The following NHSL3 variants were observed in gnomAD, a reference collection of about 807,000 sequenced individuals.
The protein encoded by NHSL3 is NHS-like protein 3.
the NHSL3 span, among the ~76,000 whole-genome samples, chr1:32,755,426 A>G: frequency 6.6e-6 from 1 of 152,206 alleles, no homozygotes; most frequent in East Asian, 1.9e-4. Flanking sequence ...TCATCGCTCC[A>G]TGGAGGGGGT....
chr1:32,743,122 G>C, the NHSL3 span, among the ~76,000 whole-genome samples: 1 of 152,190 alleles, frequency 6.6e-6, no homozygotes, highest in African/African-American at 2.4e-5. Context: ...GATGGGGAGG[G>C]CTTGAGTCTT....
chr1:32,756,563 G>T, the NHSL3 span, among the ~76,000 whole-genome samples: 2 of 147,910 alleles, frequency 1.4e-5, no homozygotes, highest in Admixed American at 6.9e-5. Context: ...AGAGGCTGAG[G>T]TGAGGGGATT....
chr1:32,749,337 G>T, the NHSL3 span, among the ~76,000 whole-genome samples: 3 of 152,148 alleles, frequency 2.0e-5, no homozygotes, highest in Non-Finnish European at 4.4e-5. Flanking sequence ...GCAGAGACTG[G>T]GTTGACAGAC....
At chr1:32,743,238 C>T in the NHSL3 span, among the ~76,000 whole-genome samples, 1 of 152,196 alleles carries the variant, frequency 6.6e-6, no homozygotes, top group Non-Finnish European at 1.5e-5. Flanking sequence ...TGTGCGGGCC[C>T]ATCCCATTCT....
the NHSL3 span, among the ~76,000 whole-genome samples, chr1:32,742,746 A>G: frequency 3.3e-5 from 5 of 152,126 alleles, no homozygotes; most frequent in Non-Finnish European, 7.4e-5. Flanking sequence ...GCCTCCCTCA[A>G]CGCTCACCTG....
the NHSL3 span, chr1:32,754,251 C>T: frequency 3.0e-6 from 2 of 676,730 alleles, no homozygotes; most frequent in South Asian, 1.6e-5. Flanking sequence ...ACCGCTGCTG[C>T]CCCCTCCCGG....
At chr1:32,770,985 T>G in the NHSL3 span, 11 of 950,510 alleles carry the variant, frequency 1.2e-5, no homozygotes, top group Admixed American at 2.0e-4. The surrounding 1 kb of genome is among the most constrained non-coding windows in gnomAD (Gnocchi z 8.3). Context: ...CAGGTCCCCC[T>G]GCTTCCCCAG....
chr1:32,769,396 C>A, the NHSL3 span, among the ~76,000 whole-genome samples: 1 of 152,144 alleles, frequency 6.6e-6, no homozygotes, highest in Non-Finnish European at 1.5e-5. Flanking sequence ...GGATAAGTAC[C>A]CTATTGGAAT....
chr1:32,772,875 A>G, the NHSL3 span: 1 of 1,614,132 alleles, frequency 6.2e-7, no homozygotes, highest in Non-Finnish European at 8.5e-7. Context: ...ACTCACAGAA[A>G]GAGCTGGCCT....
the NHSL3 span, among the ~76,000 whole-genome samples, chr1:32,746,524 T>A: frequency 6.6e-6 from 1 of 152,194 alleles, no homozygotes; most frequent in South Asian, 2.1e-4. Flanking sequence ...AGTCTTCCTA[T>A]GTCCTTACAG....
chr1:32,768,104 C>A, the NHSL3 span: 8 of 1,608,798 alleles, frequency 5.0e-6, no homozygotes, highest in Non-Finnish European at 6.8e-6. Flanking sequence ...CATGGAGACA[C>A]CCAGAGTATC....
the NHSL3 span, chr1:32,770,949 T>TACCCCCCAC: frequency 6.4e-7 from 1 of 1,563,256 alleles, no homozygotes; most frequent in Non-Finnish European, 8.8e-7. This position sits in a 1 kb window ranked among gnomAD's most constrained non-coding sequence, Gnocchi z 8.3. Context: ...AAAGTGGTAC[T>TACCCCCCAC]CCCACCCTCC....
the NHSL3 span, among the ~76,000 whole-genome samples, chr1:32,745,939 T>TA: frequency 5.9e-5 from 9 of 151,748 alleles, no homozygotes; most frequent in African/African-American, 1.7e-4. Context: ...AAGAAAAAGT[T>TA]AAAAAAACAG....
chr1:32,770,560 A>G, the NHSL3 span: 1 of 1,525,320 alleles, frequency 6.6e-7, no homozygotes, highest in Non-Finnish European at 8.8e-7. This position sits in a 1 kb window ranked among gnomAD's most constrained non-coding sequence, Gnocchi z 8.3. Flanking sequence ...AGGCAGTGGG[A>G]GGGGCTCTCC....
At chr1:32,770,962 C>T in the NHSL3 span, 1 of 1,579,558 alleles carries the variant, frequency 6.3e-7, no homozygotes, top group Non-Finnish European at 8.7e-7. The surrounding 1 kb of genome is among the most constrained non-coding windows in gnomAD (Gnocchi z 8.3). Context: ...CACCCTCCCT[C>T]CCAAGGGCCT....
chr1:32,768,936 C>A, the NHSL3 span: 1 of 917,966 alleles, frequency 1.1e-6, no homozygotes, highest in Non-Finnish European at 1.6e-6. Flanking sequence ...TACACACTAA[C>A]TATAAAGCAG....
At chr1:32,773,074 G>A in the NHSL3 span, 2 of 621,606 alleles carry the variant, frequency 3.2e-6, no homozygotes, top group Non-Finnish European at 5.8e-6. Flanking sequence ...GTCATCCTGC[G>A]CTCATGCCTT....
chr1:32,752,897 AC>A, the NHSL3 span, among the ~76,000 whole-genome samples: 2 of 122,656 alleles, frequency 1.6e-5, no homozygotes, highest in Admixed American at 8.4e-5. Flanking sequence ...GAAAAAAAAA[AC>A]ATGCACACAC....
the NHSL3 span, among the ~76,000 whole-genome samples, chr1:32,752,941 ACACACACACATATATATAT>A: frequency 1.8e-4 from 1 of 5,624 alleles, no homozygotes; most frequent in African/African-American, 3.7e-4. Context: ...ACACACACAC[ACACACACACATATATATAT>A]ATATATATTT....
Sources: gnomAD v4.1 joint callset for allele counts (sites outside exome capture counted in the v4.1 genomes callset) on GRCh38, gnomAD v4.1.1 for gene constraint, Gnocchi (gnomAD v3.1) non-coding constraint, MANE v1.5 for transcripts, NCBI Gene and HGNC (gene_info 2026-07-23, HGNC 2026-07-21) for gene names.